KLC2: variants seen among roughly 807,000 people sequenced by gnomAD.
The protein encoded by KLC2 is KLC 2.
In KLC2, 35 loss-of-function variants were observed where a neutral mutation model predicts 75.1. The observed-to-expected ratio is 0.47, with a 90% CI of 0.36 to 0.62. The LOEUF (loss-of-function observed/expected upper bound fraction) is 0.62. Among genes scored for constraint, KLC2 ranks in the 20% least tolerant of loss-of-function variants. The pLI, the probability that KLC2 is intolerant of heterozygous loss-of-function variation, is 0.00. For synonymous variants in KLC2, 314 were observed against 336.7 expected (o/e 0.93, Z 0.74); for missense variants, 611 against 833.2 (o/e 0.73, Z 3.28).
At chr11:66,256,316 G>A (rs558995460), upstream of KLC2, among the ~76,000 whole-genome samples, 1 of 152,214 alleles carries the variant, frequency 6.6e-6, no homozygotes, top group East Asian at 1.9e-4. Context: ...GGAAGATTTT[G>A]TGAGCCCAAG....
chr11:66,261,895 G>A lies in KLC2; in HGVS notation c.382G>A (p.Ala128Thr), dbSNP rs1856456716. 3.1e-6 allele frequency: 5 copies of A among 1,614,202 alleles called. No individual in the cohort carries two copies. The East Asian group carries it at 8.9e-5, about 29-fold the overall frequency. Reference protein sequence around the residue: ...QKLQRSEQAVAQLEEEKQHLL... With the variant: ...QKLQRSEQAVTQLEEEKQHLL... ...GCTGCAGCGCAGTGAGCAGGCCGTG[G>A]CCCAGCTCGAGGAGGAGAAGCAGCA... Residue 128 changes from alanine (A) to threonine (T), a missense_variant, in exon 3 of 16, where the codon GCC (alanine) becomes ACC (threonine). Ala to Thr is a moderately conservative substitution (Grantham distance 58, BLOSUM62 0). Coordinates refer to ENST00000394067, the MANE Select transcript of KLC2 (RefSeq NM_001318734.2).
chr11:66,253,211 C>T (rs555529326), upstream of KLC2, among the ~76,000 whole-genome samples: 23 of 152,056 alleles, frequency 1.5e-4, no homozygotes, highest in East Asian at 2.7e-3. Flanking sequence ...TCAAGTGATC[C>T]GCCCATCTCG....
chr11:66,264,413 C>G lies in KLC2; in HGVS notation c.1185C>G (p.Arg395=). 2 of 1,613,618 alleles carry G rather than the reference C, an allele frequency of 1.2e-6. No individual in the cohort carries two copies. Among genetic ancestry groups the G allele is most frequent in the African/African-American group, 1.3e-5 (1 of 75,036 alleles). The change falls in exon 9 of 16, where the codon CGC becomes CGG. Residue 395 remains arginine, a synonymous_variant. Coordinates refer to ENST00000394067, the MANE Select transcript of KLC2 (RefSeq NM_001318734.2). Reference sequence around the variant, plus strand: ...CCTTGTACAAGGAGATCCTCACCCGCGCTCATGAGAAAGAGTTTGGCTCTG... The same window carrying G: ...CCTTGTACAAGGAGATCCTCACCCGGGCTCATGAGAAAGAGTTTGGCTCTG... ...AETLYKEILT[R]AHEKEFGSVN...
At position 66,266,224 on chromosome 11, in the gene KLC2, C is replaced by T; in HGVS notation, c.1727+7C>T. The T allele has an allele frequency of 6.3e-7, 1 of 1,595,944 alleles. No individual in the cohort carries two copies. The highest frequency in any genetic ancestry group is 1.1e-5 in the South Asian group (1 of 89,504). The stretch of plus-strand genomic sequence containing the variant: ...AGGAGCCCCCTAACCCCAGGTGAGC[C>T]CCCCACCAAGGTGAGCCTCAAGAAC... On this transcript the variant is annotated splice_region_variant and intron_variant, in intron 14 of 15. Transcript: ENST00000394067.
At chr11:66,249,119 G>C in the KLC2 span, among the ~76,000 whole-genome samples, 3 of 152,138 alleles carry the variant, frequency 2.0e-5, no homozygotes, top group Non-Finnish European at 4.4e-5. Context: ...GAGGAGTATT[G>C]GTCAGGCATT....
Position 66,258,755 on chromosome 11 carries a change from C to G in KLC2, c.161C>G (p.Ser54Trp). ...GAGGCCGGCGAAGCCGAGCCTGGCT[C>G]GCAGGAGCGCTGCATCCTCCTGCGT... ...APEAGEAEPG[S>W]QERCILLRRS... The change falls in exon 2 of 16, where the codon TCG becomes TGG. Residue 54 changes from serine to tryptophan, a missense_variant. Ser to Trp is a radical substitution (Grantham distance 177). Coordinates refer to ENST00000394067, the MANE Select transcript of KLC2 (RefSeq NM_001318734.2). 6.2e-7 allele frequency: 1 copy of G among 1,613,556 alleles called. No homozygotes were observed. The highest frequency in any genetic ancestry group is 8.5e-7 in the Non-Finnish European group (1 of 1,179,996).
intron 1 of KLC2, chr11:66,258,380 T>C (rs1275037501): frequency 1.7e-6 from 1 of 580,252 alleles, no homozygotes; most frequent in Non-Finnish European, 3.1e-6. Flanking sequence ...AGGATCCGGC[T>C]GCACCGCATT....
At position 66,267,189 on chromosome 11, in the gene KLC2, G is replaced by T; in HGVS notation, c.*233G>T. On this transcript the variant is annotated 3_prime_UTR_variant, in exon 16 of 16. Transcript: ENST00000394067. Reference sequence around the variant, plus strand: ...CTTCCAGCAGGGCCCTCTTCCCTAGGTTCGGGCCAGCAGGAGGTGCCGGCT... The same window carrying T: ...CTTCCAGCAGGGCCCTCTTCCCTAGTTTCGGGCCAGCAGGAGGTGCCGGCT... 2 of 1,549,716 alleles carry T rather than the reference G, an allele frequency of 1.3e-6. No homozygotes were observed. Among genetic ancestry groups the T allele is most frequent in the Non-Finnish European group, 1.7e-6 (2 of 1,146,522 alleles).
rs376918462 is a variant in KLC2 at position 66,262,976 on chromosome 11, C to T, written c.692C>T (p.Thr231Met). Residue 231 changes from threonine to methionine, a missense_variant, in exon 5 of 16, where the codon ACG becomes ATG. Physicochemically the swap from Thr to Met is moderately conservative, Grantham distance 81. Transcript: ENST00000394067. Reference sequence around the variant, plus strand: ...CAGGCACTCGAAGACCTGGAGAAGACGTCAGGCCACGACCACCCTGACGTT... The same window carrying T: ...CAGGCACTCGAAGACCTGGAGAAGATGTCAGGCCACGACCACCCTGACGTT... ...CKQALEDLEK[T>M]SGHDHPDVAT... The T allele has an allele frequency of 3.8e-5, 62 of 1,613,978 alleles. No individual in the cohort carries two copies. Among genetic ancestry groups the T allele is most frequent in the South Asian group, 7.7e-5 (7 of 91,080 alleles).
chr11:66,253,963 C>T (rs1855983510), upstream of KLC2, among the ~76,000 whole-genome samples: 1 of 152,198 alleles, frequency 6.6e-6, no homozygotes, highest in Non-Finnish European at 1.5e-5. Context: ...AATAAATGTG[C>T]TCCTTGGCCG....
chr11:66,265,187 C>A lies in KLC2; in HGVS notation c.1286C>A (p.Ala429Asp), dbSNP rs1339013119. The change falls in exon 11 of 16, where the codon GCC (alanine) becomes GAC (aspartate). Residue 429 changes from alanine to aspartate, a missense_variant. Physicochemically the swap from Ala to Asp is moderately radical, Grantham distance 126. Transcript: ENST00000394067. Reference sequence around the variant, plus strand: ...CTCCAGGATAAGCGCCGGGACAGCGCCCCCTATGGGGAATACGGCAGCTGG... The same window carrying A: ...CTCCAGGATAAGCGCCGGGACAGCGACCCCTATGGGGAATACGGCAGCTGG... The part of the protein sequence containing the change: ...EESKDKRRDS[A>D]PYGEYGSWYK... 1 of 1,596,348 alleles carries A rather than the reference C, an allele frequency of 6.3e-7. No homozygotes were observed. The highest frequency in any genetic ancestry group is 1.1e-5 in the South Asian group (1 of 90,942).
intron 11 of KLC2, 79 bp from the exon 12 acceptor site, chr11:66,265,576 C>T (rs1856765189): frequency 8.3e-7 from 1 of 1,210,552 alleles, no homozygotes; most frequent in African/African-American, 1.5e-5. Flanking sequence ...CATGCTTCCT[C>T]AGGGCCCACT....
At chr11:66,253,005 CTT>C (rs34358719), upstream of KLC2, among the ~76,000 whole-genome samples, 60 of 122,896 alleles carry the variant, frequency 4.9e-4, no homozygotes, top group South Asian at 7.8e-4. Flanking sequence ...AATGTGCTGA[CTT>C]TTTTTTTTTT....
chr11:66,265,019 C>T lies in KLC2; in HGVS notation c.1217-4C>T, dbSNP rs747962552. On this transcript the variant is annotated splice_polypyrimidine_tract_variant and splice_region_variant and intron_variant, in intron 9 of 15. Coordinates refer to ENST00000394067, the MANE Select transcript of KLC2 (RefSeq NM_001318734.2). ...GCTGGTGACAGTCCCCTTTCTCTCC[C>T]CAGGGGACAACAAGCCCATCTGGAT... 2 of 1,613,070 alleles carry T rather than the reference C, an allele frequency of 1.2e-6. No homozygotes were observed. Among genetic ancestry groups the T allele is most frequent in the Admixed American group, 3.3e-5 (2 of 59,916 alleles).
rs1010449486 is a variant in KLC2, at chr11:66,267,729, C to G, written c.*773C>G. On this transcript the variant is annotated 3_prime_UTR_variant, in exon 16 of 16. Coordinates refer to ENST00000394067, the MANE Select transcript of KLC2 (RefSeq NM_001318734.2). ...CCGAGCCATCCTGCCTCGCCTCCCC[C>G]CACGCCTGCAGCTTCTCGCGAGGGG... 2.2e-5 allele frequency: 11 copies of G among 489,548 alleles called. No homozygotes were observed. Among genetic ancestry groups the G allele is most frequent in the Middle Eastern group, 5.1e-4 (1 of 1,946 alleles). 30.3% of individuals were successfully genotyped at this position (489,548 alleles called of 1,614,324 possible). A position where few individuals can be genotyped will look rare whatever the true frequency, so the allele number is the denominator to read the frequency against.
At chr11:66,254,691 T>C (rs911562225), upstream of KLC2, among the ~76,000 whole-genome samples, 1 of 143,262 alleles carries the variant, frequency 7.0e-6, no homozygotes, top group East Asian at 2.0e-4. Flanking sequence ...AAAAGTCCAC[T>C]TTGGGAGGCC....
At chr11:66,253,720 C>T (rs191999505), upstream of KLC2, among the ~76,000 whole-genome samples, 120 of 152,322 alleles carry the variant, frequency 7.9e-4, no homozygotes, top group African/African-American at 2.9e-3. Flanking sequence ...AGCCAAGTGG[C>T]TGAAAGGGCC....
rs950109344 is a variant in KLC2 at position 66,267,484 on chromosome 11, G to C, written c.*528G>C. On this transcript the variant is annotated 3_prime_UTR_variant, in exon 16 of 16. Transcript: ENST00000394067. The stretch of plus-strand genomic sequence containing the variant: ...GGTATCTCCCAGGCTCTACATTCTC[G>C]GGAGCGGCGCCTCCCAAGGGGGTCC... The C allele has an allele frequency of 1.4e-6, 1 of 701,730 alleles. No individual in the cohort carries two copies. The highest frequency in any genetic ancestry group is 2.7e-6 in the Non-Finnish European group (1 of 374,606). 43.5% of individuals were successfully genotyped at this position (701,730 alleles called of 1,614,324 possible).
At chr11:66,252,797 G>C (rs1013247036), upstream of KLC2, among the ~76,000 whole-genome samples, 1 of 152,064 alleles carries the variant, frequency 6.6e-6, no homozygotes, top group African/African-American at 2.4e-5. Flanking sequence ...AGGAAGAGAG[G>C]GTGCAGATTT....
Sources: allele counts gnomAD v4.1 joint callset (sites outside exome capture counted in the v4.1 genomes callset), GRCh38; gene constraint gnomAD v4.1.1; transcripts MANE v1.5; gene names NCBI Gene and HGNC (gene_info 2026-07-23, HGNC 2026-07-21).